Variants in HEPH observed in about 807,000 individuals in gnomAD.
HEPH encodes the protein hephaestin.
In HEPH, 69 loss-of-function variants were observed where a neutral mutation model predicts 80.8. That is an observed-to-expected ratio of 0.85 (90% CI 0.70 to 1.04). HEPH has a LOEUF of 1.04. HEPH is among the 50% of genes least tolerant of loss of function. The probability of loss-of-function intolerance (pLI) is 0.00; values close to 1 mark genes in which losing one functional copy is unlikely to be tolerated. For synonymous variants in HEPH, 431 were observed against 322.8 expected (o/e 1.34, Z -3.60); for missense variants, 1,115 against 891.3 (o/e 1.25, Z -3.20).
At chrX:66,206,890 G>A (rs776118757) in intron 13 of HEPH, among the ~76,000 whole-genome samples, 20 of 110,015 alleles carry the variant, frequency 1.8e-4, no homozygotes, top group South Asian at 1.2e-3. Context: ...GGTGGCGCAT[G>A]CCTGTAATCC....
chrX:66,252,107 A>C (rs2091025043), intron 15 of HEPH, among the ~76,000 whole-genome samples: 1 of 111,651 alleles, frequency 9.0e-6, no homozygotes, highest in African/African-American at 3.3e-5. Context: ...TAGACTTTTC[A>C]GGTAGATCCC....
chrX:66,264,472 C>T (rs2091470254), intron 20 of HEPH, among the ~76,000 whole-genome samples: 1 of 108,979 alleles, frequency 9.2e-6, no homozygotes. Context: ...TTGGAACCAG[C>T]CATTTCTGAC....
chrX:66,171,947 C>A (rs1007821491), intron 2 of HEPH, among the ~76,000 whole-genome samples: 2 of 111,909 alleles, frequency 1.8e-5, no homozygotes, highest in Non-Finnish European at 3.8e-5. Flanking sequence ...AGTCAGCAAT[C>A]AATCCAAGTG....
chrX:66,202,993 A>G (rs1463783895), intron 12 of HEPH, among the ~76,000 whole-genome samples: 2 of 104,898 alleles, frequency 1.9e-5, no homozygotes, highest in Non-Finnish European at 3.9e-5. Context: ...TATATGATTT[A>G]TATATAATAA....
intron 11 of HEPH, 148 bp from the exon 12 acceptor site, chrX:66,200,392 G>T (rs1405034199): frequency 4.3e-6 from 2 of 460,868 alleles, no homozygotes; most frequent in Non-Finnish European, 7.6e-6. Context: ...AGTTAAAGTG[G>T]CATAGAGAGG....
intron 4 of HEPH, among the ~76,000 whole-genome samples, chrX:66,188,123 G>A (rs1204244038): frequency 3.6e-5 from 4 of 111,413 alleles, no homozygotes; most frequent in Non-Finnish European, 7.5e-5. Context: ...GATGGTAGGA[G>A]GGAATTATTG....
chrX:66,210,370 AT>A (rs1349243210), intron 15 of HEPH, among the ~76,000 whole-genome samples: 1 of 112,019 alleles, frequency 8.9e-6, no homozygotes, highest in African/African-American at 3.2e-5. Flanking sequence ...AACAGTGAGT[AT>A]GGCTTAATTT....
intron 15 of HEPH, among the ~76,000 whole-genome samples, chrX:66,213,208 C>G (rs1302894689): frequency 9.3e-6 from 1 of 107,368 alleles, no homozygotes; most frequent in Non-Finnish European, 1.9e-5. Context: ...CAACAGTCCC[C>G]AGAGTGTGAT....
In HEPH at chrX:66,195,083, C is replaced by T; in HGVS notation, c.1370-15C>T. 2 of 1,175,372 alleles carry T rather than the reference C, an allele frequency of 1.7e-6. No homozygotes were observed. The highest frequency in any genetic ancestry group is 2.3e-6 in the Non-Finnish European group (2 of 876,920). On this transcript the variant is annotated splice_polypyrimidine_tract_variant and intron_variant, in intron 8 of 20. Transcript: ENST00000343002. ...CCTTTCATCATTCTCATTGTCTCTC[C>T]TTCCCATTTTCCAGGGCCAGTGATC...
chrX:66,207,695 T>C (rs746316063), intron 14 of HEPH, among the ~76,000 whole-genome samples: 1 of 111,697 alleles, frequency 9.0e-6, no homozygotes, highest in Non-Finnish European at 1.9e-5. Context: ...ATTATTGCTT[T>C]AGGTGGTTTC....
chrX:66,193,496 C>T lies in HEPH; in HGVS notation c.1233-6C>T, dbSNP rs747595492. 6.0e-6 allele frequency: 7 copies of T among 1,160,089 alleles called. No individual in the cohort carries two copies. The highest frequency in any genetic ancestry group is 8.1e-6 in the Non-Finnish European group (7 of 859,401). On this transcript the variant is annotated splice_region_variant and splice_polypyrimidine_tract_variant and intron_variant, in intron 7 of 20. Transcript: ENST00000343002. ...ATAATATCATATTTTCCTTTTTATA[C>T]ATCAGTATCTCAGATAAGTTTTTCC...
chrX:66,203,079 T>C (rs2088557076), intron 12 of HEPH, among the ~76,000 whole-genome samples: 1 of 109,337 alleles, frequency 9.1e-6, no homozygotes, highest in African/African-American at 3.3e-5. Flanking sequence ...CTTACAGTGC[T>C]AAAACTAGAA....
chrX:66,213,199 A>G (rs1311822794), intron 15 of HEPH, among the ~76,000 whole-genome samples: 1 of 101,015 alleles, frequency 9.9e-6, no homozygotes, highest in African/African-American at 3.7e-5. Flanking sequence ...CCCACCCCAC[A>G]ACAGTCCCCA....
intron 12 of HEPH, 63 bp downstream of exon 12, chrX:66,200,815 G>A: frequency 1.1e-6 from 1 of 892,794 alleles, no homozygotes. Context: ...ATGGGGTCGG[G>A]AAGAGGGAGG....
chrX:66,172,605 C>A lies in HEPH; in HGVS notation c.412+6C>A, dbSNP rs1377568557. On this transcript the variant is annotated splice_donor_region_variant and intron_variant, in intron 3 of 20. Coordinates refer to ENST00000343002, the MANE Select transcript of HEPH (RefSeq NM_001367233.3). Reference sequence around the variant, plus strand: ...CTACGAGAAGGACTCTGAAGGTAAACCATTCCACCGTTTCTTTCCCCCATG... The same window carrying A: ...CTACGAGAAGGACTCTGAAGGTAAAACATTCCACCGTTTCTTTCCCCCATG... The A allele has an allele frequency of 2.7e-6, 3 of 1,127,995 alleles. No individual in the cohort carries two copies. Among genetic ancestry groups the A allele is most frequent in the East Asian group, 3.2e-5 (1 of 30,984 alleles). 93.0% of individuals were successfully genotyped at this position (1,127,995 alleles called of 1,213,427 possible).
chrX:66,227,952 G>A (rs1461913837), intron 15 of HEPH, among the ~76,000 whole-genome samples: 1 of 110,985 alleles, frequency 9.0e-6, no homozygotes, highest in Non-Finnish European at 1.9e-5. Context: ...GTATTTTGAT[G>A]GAAATTGCAT....
At chrX:66,249,557 A>T (rs806537) in intron 15 of HEPH, among the ~76,000 whole-genome samples, 30,362 of 110,507 alleles carry the variant, frequency 0.27, 4,017 homozygotes, top group African/African-American at 0.51. Context: ...GACACAATTG[A>T]GACTGGAAAA....
At position 66,259,675 on chromosome X, in the gene HEPH, G is replaced by C. The variant is rs188039120; in HGVS notation, c.3037-425G>C. ...AAGTCACCTCTGTTGATTTAGCTTCGGTGGGTGGGTTCATTGGAGATATGA... is the reference window on the plus strand; with the variant it reads ...AAGTCACCTCTGTTGATTTAGCTTCCGTGGGTGGGTTCATTGGAGATATGA... On this transcript the variant is annotated intron_variant, in intron 18 of 20. Coordinates refer to ENST00000343002, the MANE Select transcript of HEPH (RefSeq NM_001367233.3). 8.3e-5 allele frequency among the ~76,000 whole-genome samples: 9 copies of C among 108,706 alleles called. No individual in the cohort carries two copies. In the East Asian group the frequency reaches 2.3e-3, roughly 28 times the overall value. 94.4% of individuals were successfully genotyped at this position (108,706 alleles called of 115,157 possible). A position where few individuals can be genotyped will look rare whatever the true frequency, so the allele number is the denominator to read the frequency against.
chrX:66,176,674 G>A (rs994646461), intron 4 of HEPH, among the ~76,000 whole-genome samples: 1 of 110,216 alleles, frequency 9.1e-6, no homozygotes, highest in South Asian at 3.9e-4. Context: ...AACAGTCCCT[G>A]GTGTGTGATG....
Sources: allele counts gnomAD v4.1 joint callset (sites outside exome capture counted in the v4.1 genomes callset), GRCh38; gene constraint gnomAD v4.1.1; transcripts MANE v1.5; gene names NCBI Gene and HGNC (gene_info 2026-07-23, HGNC 2026-07-21).